KIAA1217: variants seen among roughly 807,000 people sequenced by gnomAD.
The protein encoded by KIAA1217 is KIAA1217, also known as sickle tail protein homolog.
A neutral mutation model predicts 163.9 loss-of-function variants in KIAA1217; 88 were observed. That is an observed-to-expected ratio of 0.54 (90% CI 0.45 to 0.64). The LOEUF is 0.64. Ranked by LOEUF, KIAA1217 falls within the 30% of genes least tolerant of loss-of-function variation. The pLI is 0.00. For synonymous variants in KIAA1217, 903 were observed against 923.1 expected, an observed-to-expected ratio of 0.98 and a Z score of 0.39; for missense variants, 2,372 against 2,475.0, an observed-to-expected ratio of 0.96 and a Z score of 0.88.
chr10:24,468,104 A>G (rs916932710), intron 5 of KIAA1217, among the ~76,000 whole-genome samples: 2 of 152,186 alleles, frequency 1.3e-5, no homozygotes, highest in Non-Finnish European at 2.9e-5. Flanking sequence ...GCTTCCATCT[A>G]TCAGATTCTG....
chr10:24,212,112 G>A (rs1318408652), intron 1 of KIAA1217, among the ~76,000 whole-genome samples: 1 of 151,850 alleles, frequency 6.6e-6, no homozygotes, highest in East Asian at 1.9e-4. Context: ...AGAAGAGAGA[G>A]GAGGGGAGGA....
intron 2 of KIAA1217, among the ~76,000 whole-genome samples, chr10:24,008,199 TA>T (rs1006274974): frequency 2.0e-5 from 3 of 151,678 alleles, no homozygotes; most frequent in Admixed American, 2.0e-4. Flanking sequence ...GATAGATAGA[TA>T]GATAGATTAT....
intron 3 of KIAA1217, among the ~76,000 whole-genome samples, chr10:24,383,983 C>G (rs537139941): frequency 6.6e-6 from 1 of 152,348 alleles, no homozygotes; most frequent in Non-Finnish European, 1.5e-5. Context: ...ATTTAACACA[C>G]AGACGCACGG....
chr10:24,336,461 C>G (rs2046369297), intron 2 of KIAA1217, among the ~76,000 whole-genome samples: 1 of 152,082 alleles, frequency 6.6e-6, no homozygotes, highest in East Asian at 1.9e-4. Context: ...GCTGTTTTCC[C>G]TTAGAATGTG....
chr10:24,402,265 G>A (rs909935637), intron 3 of KIAA1217, among the ~76,000 whole-genome samples: 1 of 152,104 alleles, frequency 6.6e-6, no homozygotes, highest in South Asian at 2.1e-4. Flanking sequence ...CCAGCACTTT[G>A]GGAGGCCAAG....
chr10:24,415,259 C>T (rs1322089540), intron 3 of KIAA1217, among the ~76,000 whole-genome samples: 1 of 151,910 alleles, frequency 6.6e-6, no homozygotes, highest in Non-Finnish European at 1.5e-5. Flanking sequence ...GGATTATAGG[C>T]ACCTGCCACC....
chr10:24,365,949 C>T (rs1591352507), intron 2 of KIAA1217, among the ~76,000 whole-genome samples: 3 of 152,148 alleles, frequency 2.0e-5, no homozygotes, highest in East Asian at 1.9e-4. Flanking sequence ...TCAATCATGA[C>T]GGTACTTAGA....
chr10:24,078,176 A>G (rs1057368441), intron 2 of KIAA1217, among the ~76,000 whole-genome samples: 3 of 152,316 alleles, frequency 2.0e-5, no homozygotes, highest in African/African-American at 7.2e-5. Context: ...TAATAAAAAC[A>G]CTTTTTAAAG....
intron 3 of KIAA1217, among the ~76,000 whole-genome samples, chr10:24,399,430 G>A (rs934985617): frequency 3.3e-5 from 5 of 151,980 alleles, no homozygotes; most frequent in South Asian, 2.1e-4. Context: ...CTTTCACATC[G>A]TGTTTCATTT....
intron 2 of KIAA1217, among the ~76,000 whole-genome samples, chr10:24,189,328 A>T (rs2066602722): frequency 6.6e-6 from 1 of 152,124 alleles, no homozygotes; most frequent in Admixed American, 6.5e-5. Flanking sequence ...GATGACCCCA[A>T]ATCATTTTGG....
At chr10:23,757,369 C>A (rs948686490) in intron 1 of KIAA1217, among the ~76,000 whole-genome samples, 2 of 152,048 alleles carry the variant, frequency 1.3e-5, no homozygotes, top group African/African-American at 4.8e-5. Context: ...TCTCTACAAC[C>A]CCACTAACAC....
chr10:24,003,013 T>C (rs1191093829), intron 1 of KIAA1217, among the ~76,000 whole-genome samples: 1 of 152,258 alleles, frequency 6.6e-6, no homozygotes, highest in Non-Finnish European at 1.5e-5. Flanking sequence ...TAGTATTCCA[T>C]GGTGTATATA....
At chr10:23,884,845 A>G (rs1047650426) in intron 1 of KIAA1217, among the ~76,000 whole-genome samples, 3 of 151,906 alleles carry the variant, frequency 2.0e-5, no homozygotes, top group Admixed American at 1.3e-4. Flanking sequence ...TGGGAACAGT[A>G]GAGGGTCTGG....
chr10:24,424,402 T>C (rs2059013910), intron 3 of KIAA1217, among the ~76,000 whole-genome samples: 1 of 152,220 alleles, frequency 6.6e-6, no homozygotes, highest in African/African-American at 2.4e-5. Context: ...ACACAGAGGA[T>C]GACCAGAAAA....
chr10:24,396,364 G>A (rs1339516590), intron 3 of KIAA1217, among the ~76,000 whole-genome samples: 7 of 151,892 alleles, frequency 4.6e-5, no homozygotes, highest in Non-Finnish European at 1.0e-4. Context: ...GAAAAAAAAT[G>A]CTCACCAAGT....
At chr10:24,376,247 G>A (rs1287779611) in intron 2 of KIAA1217, among the ~76,000 whole-genome samples, 1 of 152,172 alleles carries the variant, frequency 6.6e-6, no homozygotes, top group African/African-American at 2.4e-5. Flanking sequence ...TAAATAATTC[G>A]AAGGAAATCT....
intron 2 of KIAA1217, among the ~76,000 whole-genome samples, chr10:24,040,113 C>A (rs1399103298): frequency 6.6e-6 from 1 of 152,228 alleles, no homozygotes; most frequent in Admixed American, 6.5e-5. Flanking sequence ...TGGCACTGAT[C>A]CTTCCAGTCA....
intron 5 of KIAA1217, among the ~76,000 whole-genome samples, chr10:24,462,437 C>T (rs1216804784): frequency 6.6e-6 from 1 of 152,150 alleles, no homozygotes; most frequent in Non-Finnish European, 1.5e-5. Flanking sequence ...CACGCGTGGG[C>T]AGGCATGAGG....
At chr10:24,179,191 A>G (rs1005358613) in intron 2 of KIAA1217, among the ~76,000 whole-genome samples, 9 of 152,222 alleles carry the variant, frequency 5.9e-5, no homozygotes, top group African/African-American at 1.9e-4. Context: ...TGTATAAGTG[A>G]CAAGACAAAG....
Sources: gnomAD v4.1 joint callset for allele counts (sites outside exome capture counted in the v4.1 genomes callset) on GRCh38, gnomAD v4.1.1 for gene constraint, MANE v1.5 for transcripts, NCBI Gene and HGNC (gene_info 2026-07-23, HGNC 2026-07-21) for gene names.